The following MIPEP variants were observed in gnomAD, a reference collection of about 807,000 sequenced individuals.
MIPEP encodes the protein mitochondrial intermediate peptidase.
In MIPEP, 79 loss-of-function variants were observed where a neutral mutation model predicts 90.3. That is an observed-to-expected ratio of 0.87 (90% confidence interval 0.73 to 1.05). The LOEUF is 1.05. Ranked by LOEUF, MIPEP falls within the 50% of genes least tolerant of loss-of-function variation. The pLI is 0.00. For missense variants in MIPEP, 940 were observed against 905.6 expected (o/e 1.04, Z -0.49); for synonymous variants, 334 against 315.8 (o/e 1.06, Z -0.61).
At chr13:23,846,851 ATG>A (rs61052080) in intron 10 of MIPEP, among the ~76,000 whole-genome samples, 29,003 of 144,506 alleles carry the variant, frequency 0.2, 3,225 homozygotes, top group Non-Finnish European at 0.26. Flanking sequence ...GATGATGATG[ATG>A]GTAACTAACA....
chr13:23,889,155 A>G lies in MIPEP; in HGVS notation c.166T>C (p.Leu56=), dbSNP rs1732403751. 6 of 1,461,268 alleles carry G rather than the reference A, an allele frequency of 4.1e-6. No individual in the cohort carries two copies. Among genetic ancestry groups the G allele is most frequent in the Non-Finnish European group, 5.4e-6 (6 of 1,107,970 alleles). 90.5% of individuals were successfully genotyped at this position (1,461,268 alleles called of 1,614,324 possible). The part of the protein sequence containing the change: ...AFNVKPQGSR[L]DLFGERRGLF... ...ACCCGGCGCTCGCCGAACAGGTCCA[A>G]GCGGCTGCCCTGGGGCTTGACATTG... The change falls in exon 1 of 19, where the codon TTG becomes CTG. Residue 56 remains leucine (L), a synonymous_variant. Transcript: ENST00000382172.
rs527573964 is a variant in MIPEP, at chr13:23,804,935, G to A, written c.1848+1015C>T. ...AGAAGGACATCGACCTGAACCTACC[G>A]GTAGTTATCAAACCATTCAGTCTGG... On this transcript the variant is annotated intron_variant, in intron 16 of 18. Transcript: ENST00000382172. Among the ~76,000 whole-genome samples, 21 of 152,214 alleles carry A rather than the reference G, an allele frequency of 1.4e-4. No homozygotes were observed. The Middle Eastern group carries it at 0.014, about 99-fold the overall frequency.
intron 16 of MIPEP, among the ~76,000 whole-genome samples, chr13:23,789,995 C>A (rs575345212): frequency 6.6e-6 from 1 of 152,188 alleles, no homozygotes; most frequent in Non-Finnish European, 1.5e-5. Flanking sequence ...TTTTCCTCTG[C>A]CTTCTTTGAA....
intron 16 of MIPEP, among the ~76,000 whole-genome samples, chr13:23,777,508 T>C (rs574784141): frequency 6.6e-6 from 1 of 152,250 alleles, no homozygotes; most frequent in African/African-American, 2.4e-5. Context: ...TACAGTATTG[T>C]ACCACAGTTA....
At chr13:23,869,667 G>A (rs1261932115) in intron 6 of MIPEP, among the ~76,000 whole-genome samples, 1 of 152,192 alleles carries the variant, frequency 6.6e-6, no homozygotes, top group East Asian at 1.9e-4. Context: ...CTGAGGTACG[G>A]TGGGGCAAAC....
intron 16 of MIPEP, among the ~76,000 whole-genome samples, chr13:23,780,353 T>A (rs542372525): frequency 3.5e-4 from 54 of 152,236 alleles, no homozygotes; most frequent in African/African-American, 1.3e-3. Flanking sequence ...GGGTCTGGAG[T>A]GGACCTCCAG....
intron 14 of MIPEP, among the ~76,000 whole-genome samples, chr13:23,812,014 G>T (rs1456971875): frequency 5.9e-5 from 9 of 152,292 alleles, no homozygotes; most frequent in Admixed American, 4.6e-4. Context: ...TGGGCAAGAA[G>T]AACCCATTGA....
intron 16 of MIPEP, among the ~76,000 whole-genome samples, chr13:23,794,394 C>T (rs1952934344): frequency 1.3e-5 from 2 of 152,128 alleles, no homozygotes; most frequent in Admixed American, 6.6e-5. Flanking sequence ...ATATTGCTAA[C>T]GCTGCCTTAA....
chr13:23,806,530 T>C (rs1024388423), intron 15 of MIPEP, among the ~76,000 whole-genome samples: 1 of 151,844 alleles, frequency 6.6e-6, no homozygotes, highest in Non-Finnish European at 1.5e-5. Flanking sequence ...ACAAAAAAAT[T>C]AGACAGGCGT....
chr13:23,813,920 C>CTCGG (rs1953205073), intron 14 of MIPEP, among the ~76,000 whole-genome samples: 1 of 152,184 alleles, frequency 6.6e-6, no homozygotes, highest in Non-Finnish European at 1.5e-5. Context: ...AAACACAAGA[C>CTCGG]TCTCACATTT....
chr13:23,738,342 T>C (rs935790318), intron 18 of MIPEP, among the ~76,000 whole-genome samples: 2 of 152,072 alleles, frequency 1.3e-5, no homozygotes, highest in African/African-American at 4.8e-5. Context: ...CATCAGCTAT[T>C]GTTAATGTAG....
rs947036870 is a variant in MIPEP, at chr13:23,888,700, G to T, written c.189+432C>A. ...TACCATTACTCGACTGCAGGCAGCC[G>T]TGTCCTTGCAAAAAGACCATGTGAT... On this transcript the variant is annotated intron_variant, in intron 1 of 18. Transcript: ENST00000382172. The T allele has an allele frequency of 1.1e-5, 11 of 998,002 alleles. No individual in the cohort carries two copies. The African/African-American group carries it at 1.9e-4, about 17-fold the overall frequency. 61.8% of individuals were successfully genotyped at this position (998,002 alleles called of 1,614,324 possible). A position where few individuals can be genotyped will look rare whatever the true frequency, so the allele number is the denominator to read the frequency against.
intron 10 of MIPEP, among the ~76,000 whole-genome samples, chr13:23,850,894 G>A (rs114000039): frequency 2.8e-4 from 42 of 152,326 alleles, no homozygotes; most frequent in African/African-American, 9.1e-4. Context: ...TGGAAATGTC[G>A]TGAGAGAGGA....
chr13:23,841,326 G>A lies in MIPEP; in HGVS notation c.1260+9C>T, dbSNP rs751271711. 1.5e-5 allele frequency: 24 copies of A among 1,605,156 alleles called. No individual in the cohort carries two copies. Among genetic ancestry groups the A allele is most frequent in the Middle Eastern group, 1.7e-4 (1 of 6,016 alleles). On this transcript the variant is annotated intron_variant, in intron 11 of 18. Transcript: ENST00000382172. Reference sequence around the variant, plus strand: ...GCCTGCAACTGCAGGCTGAGCAGGAGGAGCTCACCAGTTTTCGGACATCTT... The same window carrying A: ...GCCTGCAACTGCAGGCTGAGCAGGAAGAGCTCACCAGTTTTCGGACATCTT...
chr13:23,804,520 C>T (rs1009287096), intron 16 of MIPEP, among the ~76,000 whole-genome samples: 4 of 152,102 alleles, frequency 2.6e-5, no homozygotes, highest in African/African-American at 9.7e-5. Context: ...TTCACTAACA[C>T]AGATAATCAA....
intron 3 of MIPEP, among the ~76,000 whole-genome samples, chr13:23,881,372 C>G (rs1176563082): frequency 6.6e-6 from 1 of 152,216 alleles, no homozygotes; most frequent in African/African-American, 2.4e-5. Context: ...TCCTGGGTGT[C>G]TGTCATCTCA....
In MIPEP at chr13:23,873,274, G is replaced by A. The variant is rs550751272; in HGVS notation, c.603+1572C>T. ...AGCCGGAGCACAGCCACGAGTGTGA[G>A]CTCTTTGTTACATGTTAACTTCACT... On this transcript the variant is annotated intron_variant, in intron 5 of 18. Coordinates refer to ENST00000382172, the MANE Select transcript of MIPEP (RefSeq NM_005932.4). Among the ~76,000 whole-genome samples the A allele has an allele frequency of 9.2e-5, 14 of 152,326 alleles. No homozygotes were observed. The South Asian group carries it at 1.0e-3, about 11-fold the overall frequency.
intron 14 of MIPEP, among the ~76,000 whole-genome samples, chr13:23,814,427 A>G (rs1021293098): frequency 1.3e-5 from 2 of 151,568 alleles, no homozygotes; most frequent in African/African-American, 4.8e-5. Context: ...ACGCCTGGCT[A>G]ATTTTTTGTA....
rs570229570 is a variant in MIPEP, at chr13:23,796,760, G to C, written c.1848+9190C>G. 1.5e-3 allele frequency among the ~76,000 whole-genome samples: 229 copies of C among 152,306 alleles called. 2 individuals are homozygous for C. The highest frequency in any genetic ancestry group is 6.8e-3 in the Middle Eastern group (2 of 294). ...ATGTAAACAACAGGGTTCACCACTAGCTGCACTCCATCTCCAAGCTGGTAC... is the reference window on the plus strand; with the variant it reads ...ATGTAAACAACAGGGTTCACCACTACCTGCACTCCATCTCCAAGCTGGTAC... On this transcript the variant is annotated intron_variant, in intron 16 of 18. Transcript: ENST00000382172.
Sources: allele counts gnomAD v4.1 joint callset (sites outside exome capture counted in the v4.1 genomes callset), GRCh38; gene constraint gnomAD v4.1.1; transcripts MANE v1.5; gene names NCBI Gene and HGNC (gene_info 2026-07-23, HGNC 2026-07-21).